Variants in GSTP1 observed in about 807,000 individuals in gnomAD.
GSTP1 encodes glutathione S-transferase P.
GSTP1 carries 28 observed loss-of-function variants against 29.4 expected under a neutral mutation model. The observed-to-expected ratio is 0.95, with a 90% CI of 0.71 to 1.30. GSTP1 has a LOEUF of 1.30. GSTP1 is among the 50% of genes most tolerant of loss of function. The pLI, the probability that GSTP1 is intolerant of heterozygous loss-of-function variation, is 0.00. For missense variants in GSTP1, 267 were observed against 266.1 expected (o/e 1.00, Z -0.02); for synonymous variants, 122 against 117.0 (o/e 1.04, Z -0.28).
At chr11:67,584,420 G>T (rs770836108) in intron 2 of GSTP1, 44 bp from the exon 3 acceptor site, 1 of 1,110,666 alleles carries the variant, frequency 9.0e-7, no homozygotes, top group Non-Finnish European at 1.3e-6. Context: ...CTGCGAGGCG[G>T]AGTCGGCCCG....
intron 1 of GSTP1, 94 bp downstream of exon 1, chr11:67,583,938 T>G: frequency 1.5e-6 from 1 of 674,484 alleles, no homozygotes; most frequent in South Asian, 1.6e-5. Flanking sequence ...CCGGCAGGGC[T>G]CCTCGCCCAC....
intron 5 of GSTP1, 30 bp downstream of exon 5, chr11:67,585,271 G>A (rs1303636143): frequency 2.8e-6 from 4 of 1,433,030 alleles, no homozygotes; most frequent in Non-Finnish European, 9.8e-7. Flanking sequence ...TTGGGCACTG[G>A]GGGCTGAACA....
intron 6 of GSTP1, 21 bp from the exon 7 acceptor site, chr11:67,586,368 C>T (rs1418012938): frequency 9.4e-6 from 15 of 1,602,612 alleles, no homozygotes; most frequent in Non-Finnish European, 1.3e-5. Context: ...TGGCTGAGTC[C>T]CTGGCCCCCC....
At chr11:67,584,059 G>GGC in intron 1 of GSTP1, 75 bp from the exon 2 acceptor site, 1 of 1,148,432 alleles carries the variant, frequency 8.7e-7, no homozygotes, top group East Asian at 2.8e-5. Context: ...GGGGCGGGGA[G>GGC]GGGGGGCAGA....
At chr11:67,586,303 G>C in intron 6 of GSTP1, 86 bp from the exon 7 acceptor site, 4 of 1,532,098 alleles carry the variant, frequency 2.6e-6, no homozygotes, top group Non-Finnish European at 3.6e-6. Flanking sequence ...AAGCAGAGCA[G>C]ACCTAGGGGA....
intron 5 of GSTP1, 110 bp downstream of exon 5, chr11:67,585,351 C>A: frequency 1.4e-6 from 1 of 708,486 alleles, no homozygotes; most frequent in South Asian, 1.7e-5. Flanking sequence ...CTTCTTGGGT[C>A]AGGGTGCAGG....
In GSTP1 at chr11:67,586,619, T is replaced by G; in HGVS notation, c.*42T>G. 3 of 1,524,470 alleles carry G rather than the reference T, an allele frequency of 2.0e-6. No homozygotes were observed. The highest frequency in any genetic ancestry group is 2.7e-6 in the Non-Finnish European group (3 of 1,110,264). The allele number at this position is 1,524,470 out of a possible 1,614,324, so 94.4% of individuals were successfully genotyped here. On this transcript the variant is annotated 3_prime_UTR_variant, in exon 7 of 7. Coordinates refer to ENST00000398606, the MANE Select transcript of GSTP1 (RefSeq NM_000852.4). ...GAGCGGGAGGCAGAGTTTGCCTTCC[T>G]TTCTCCAGGACCAATAAAATTTCTA...
chr11:67,584,853 CG>C (rs764551246), intron 4 of GSTP1, 81 bp downstream of exon 4: 3 of 1,070,740 alleles, frequency 2.8e-6, no homozygotes, highest in Non-Finnish European at 4.4e-6. Flanking sequence ...TCAGCTGCCC[CG>C]CAGCCCTCTG....
intron 1 of GSTP1, 100 bp from the exon 2 acceptor site, chr11:67,584,034 A>G: frequency 1.2e-6 from 1 of 817,728 alleles, no homozygotes; most frequent in Non-Finnish European, 1.9e-6. Flanking sequence ...CGCCTCGGGG[A>G]GGGATGGGAC....
chr11:67,586,383 C>T lies in GSTP1; in HGVS notation c.445-6C>T. 1.2e-6 allele frequency: 2 copies of T among 1,610,500 alleles called. No individual in the cohort carries two copies. Among genetic ancestry groups the T allele is most frequent in the South Asian group, 1.1e-5 (1 of 90,764 alleles). ...TGGCTGAGTCCCTGGCCCCCCTGCC[C>T]TGCAGATCTCCTTCGCTGACTACAA... On this transcript the variant is annotated splice_polypyrimidine_tract_variant and splice_region_variant and intron_variant, in intron 6 of 6. Coordinates refer to ENST00000398606, the MANE Select transcript of GSTP1 (RefSeq NM_000852.4).
chr11:67,583,853 G>C lies in GSTP1; in HGVS notation c.1+9G>C, dbSNP rs1285550359. 2 of 746,300 alleles carry C rather than the reference G, an allele frequency of 2.7e-6. No individual in the cohort carries two copies. Among genetic ancestry groups the C allele is most frequent in the African/African-American group, 1.7e-5 (1 of 58,716 alleles). 46.2% of individuals were successfully genotyped at this position (746,300 alleles called of 1,614,324 possible). A position where few individuals can be genotyped will look rare whatever the true frequency, so the allele number is the denominator to read the frequency against. ...CGCAGTCTTCGCCACCAGTGAGTAC[G>C]CGCGGCCCGCGTCCCCGGGGATGGG... On this transcript the variant is annotated intron_variant, in intron 1 of 6. Transcript: ENST00000398606.
chr11:67,583,970 C>G (rs1204550109), intron 1 of GSTP1, 126 bp downstream of exon 1: 1 of 678,998 alleles, frequency 1.5e-6, no homozygotes, highest in Non-Finnish European at 2.7e-6. Context: ...GGACGGGGGC[C>G]TAGGGGACCC....
chr11:67,584,254 C>A (rs1293354668), intron 2 of GSTP1, 85 bp downstream of exon 2: 6 of 1,072,778 alleles, frequency 5.6e-6, no homozygotes, highest in South Asian at 1.3e-5. Context: ...AGATCCGAAC[C>A]CCCTTATCCC....
At position 67,585,743 on chromosome 11, in the gene GSTP1, C is replaced by T. The variant is rs369524115; in HGVS notation, c.337-361C>T. Among the ~76,000 whole-genome samples the T allele has an allele frequency of 4.7e-4, 71 of 151,968 alleles. 2 individuals carry two copies. In the South Asian group the frequency reaches 0.014, roughly 29 times the overall value. On this transcript the variant is annotated intron_variant, in intron 5 of 6. Coordinates refer to ENST00000398606, the MANE Select transcript of GSTP1 (RefSeq NM_000852.4). The stretch of plus-strand genomic sequence containing the variant: ...GGGTGGGTAAGGAGATAGAGATGGG[C>T]GGGCAGTAGGCCCAGGTCCCGAAGG...
At chr11:67,584,030 G>A in intron 1 of GSTP1, 104 bp from the exon 2 acceptor site, 1 of 932,724 alleles carries the variant, frequency 1.1e-6, no homozygotes, top group Admixed American at 2.2e-5. Flanking sequence ...GGAGCGCCTC[G>A]GGGAGGGATG....
intron 2 of GSTP1, 133 bp downstream of exon 2, chr11:67,584,302 TCCCCGCCTC>T: frequency 1.3e-6 from 1 of 748,756 alleles, no homozygotes; most frequent in Non-Finnish European, 2.2e-6. Context: ...TCCTTCCTGT[TCCCCGCCTC>T]TCCCGCCATG....
chr11:67,584,263 C>G, intron 2 of GSTP1, 94 bp downstream of exon 2: 1 of 1,019,130 alleles, frequency 9.8e-7, no homozygotes, highest in Non-Finnish European at 1.5e-6. Context: ...CCCCCTTATC[C>G]CTCCGTCGTG....
intron 3 of GSTP1, 39 bp downstream of exon 3, chr11:67,584,609 G>A (rs1302254435): frequency 1.3e-6 from 2 of 1,569,830 alleles, no homozygotes; most frequent in Admixed American, 1.7e-5. Flanking sequence ...GGGGTGCTGG[G>A]CCTTAGGGGG....
chr11:67,583,990 C>A, intron 1 of GSTP1, 144 bp from the exon 2 acceptor site: 1 of 712,534 alleles, frequency 1.4e-6, no homozygotes, highest in Non-Finnish European at 2.5e-6. Flanking sequence ...CAGGACGTCC[C>A]CAGTGCCGTT....
Sources: allele counts gnomAD v4.1 joint callset (sites outside exome capture counted in the v4.1 genomes callset), GRCh38; gene constraint gnomAD v4.1.1; transcripts MANE v1.5; gene names NCBI Gene and HGNC (gene_info 2026-07-23, HGNC 2026-07-21).